Variants in CRTAC1 observed in about 807,000 individuals in gnomAD.
CRTAC1 encodes the protein acidic secreted protein in cartilage.
A neutral mutation model predicts 67.8 loss-of-function variants in CRTAC1; 37 were observed. That is an observed-to-expected ratio of 0.55 (90% CI 0.42 to 0.72). CRTAC1 has a LOEUF of 0.72. Among genes scored for constraint, CRTAC1 ranks in the 30% least tolerant of loss-of-function variants. The pLI is 0.00. For missense variants in CRTAC1, 780 were observed against 931.6 expected (o/e 0.84, Z 2.12); for synonymous variants, 348 against 371.0 (o/e 0.94, Z 0.71).
intron 3 of CRTAC1, among the ~76,000 whole-genome samples, chr10:97,935,212 G>A (rs975928130): frequency 1.3e-5 from 2 of 152,180 alleles, no homozygotes; most frequent in African/African-American, 2.4e-5. Context: ...ACCTCTTTGT[G>A]GCTCAGTTTC....
chr10:98,030,376 G>A lies in CRTAC1; in HGVS notation c.24+73C>T. The stretch of plus-strand genomic sequence containing the variant: ...GGCGTCCCCGCCACCCTTGCGGGCG[G>A]ATCCGGGGGGGCGCGCAGAGCTGGA... On this transcript the variant is annotated intron_variant, in intron 1 of 14. Transcript: ENST00000370597. The surrounding 1 kb of genome is among the most constrained non-coding windows in gnomAD (Gnocchi z 4.2). 1.0e-6 allele frequency: 1 copy of A among 992,722 alleles called. No homozygotes were observed. Among genetic ancestry groups the A allele is most frequent in the Non-Finnish European group, 1.3e-6 (1 of 755,504 alleles). The allele number at this position is 992,722 out of a possible 1,614,324, so 61.5% of individuals were successfully genotyped here.
chr10:97,919,768 A>C, intron 4 of CRTAC1, among the ~76,000 whole-genome samples: 1 of 32,850 alleles, frequency 3.0e-5, no homozygotes, highest in Middle Eastern at 0.019. Flanking sequence ...TTTACAGTAC[A>C]GCCTTTTTTT....
chr10:97,935,294 T>G (rs1439361510), intron 3 of CRTAC1, among the ~76,000 whole-genome samples: 1 of 152,182 alleles, frequency 6.6e-6, no homozygotes, highest in East Asian at 1.9e-4. Context: ...ATAATTAATG[T>G]AAATGTTTAG....
At chr10:97,882,308 G>A in intron 13 of CRTAC1, among the ~76,000 whole-genome samples, 1 of 152,182 alleles carries the variant, frequency 6.6e-6, no homozygotes, top group East Asian at 1.9e-4. Context: ...CATCCTGGTA[G>A]TGCTGCAGCT....
At chr10:97,965,419 AC>A (rs2051598878) in intron 2 of CRTAC1, among the ~76,000 whole-genome samples, 1 of 151,750 alleles carries the variant, frequency 6.6e-6, no homozygotes, top group African/African-American at 2.4e-5. Context: ...ATTGGATTGA[AC>A]CCCCTTTTTC....
At chr10:97,907,718 T>C (rs1341792044) in intron 6 of CRTAC1, among the ~76,000 whole-genome samples, 1 of 152,024 alleles carries the variant, frequency 6.6e-6, no homozygotes, top group Non-Finnish European at 1.5e-5. Flanking sequence ...AGGTTGATGC[T>C]GAGAGACACA....
intron 6 of CRTAC1, among the ~76,000 whole-genome samples, chr10:97,906,354 T>C (rs2050612133): frequency 6.6e-6 from 1 of 152,236 alleles, no homozygotes; most frequent in African/African-American, 2.4e-5. Flanking sequence ...GACAAGGAGC[T>C]GGTTCCCTTT....
chr10:97,962,109 G>A (rs575383618), intron 2 of CRTAC1, among the ~76,000 whole-genome samples: 6 of 152,258 alleles, frequency 3.9e-5, no homozygotes, highest in East Asian at 1.9e-4. Flanking sequence ...CTCTATGCTC[G>A]CGGTTTTCCT....
intron 5 of CRTAC1, among the ~76,000 whole-genome samples, chr10:97,915,003 C>G (rs768063365): frequency 3.7e-4 from 57 of 152,278 alleles, no homozygotes; most frequent in Non-Finnish European, 5.0e-4. Context: ...CCTCCCCTCC[C>G]CCTCCCGCAG....
chr10:97,960,316 T>C (rs1340941371), intron 2 of CRTAC1, among the ~76,000 whole-genome samples: 2 of 152,216 alleles, frequency 1.3e-5, no homozygotes, highest in Non-Finnish European at 2.9e-5. Flanking sequence ...CAGCATCACA[T>C]ATTTGTATCT....
At chr10:97,934,627 T>C (rs2136611652) in intron 3 of CRTAC1, among the ~76,000 whole-genome samples, 1 of 152,272 alleles carries the variant, frequency 6.6e-6, no homozygotes, top group African/African-American at 2.4e-5. Flanking sequence ...AGTGTATATG[T>C]GTCAGGGTGG....
Position 98,003,796 on chromosome 10 carries a change from T to G in CRTAC1, c.224+7342A>C, listed in dbSNP as rs116628189. On this transcript the variant is annotated intron_variant, in intron 2 of 14. Transcript: ENST00000370597. The stretch of plus-strand genomic sequence containing the variant: ...CTGTGTGTATGTGTGCATGTGTGTC[T>G]GTCTGTCTGCCTGTCTGTCTGGGGT... Among the ~76,000 whole-genome samples the G allele has an allele frequency of 2.0e-3, 311 of 152,332 alleles. 4 individuals carry two copies. The highest frequency in any genetic ancestry group is 0.01 in the Middle Eastern group (3 of 294).
At chr10:98,012,914 G>C (rs1842934136) in intron 1 of CRTAC1, among the ~76,000 whole-genome samples, 1 of 152,184 alleles carries the variant, frequency 6.6e-6, no homozygotes, top group Non-Finnish European at 1.5e-5. Context: ...CTTCTACTGG[G>C]TTTTCTAATC....
intron 2 of CRTAC1, among the ~76,000 whole-genome samples, chr10:97,968,970 T>C (rs893249175): frequency 2.6e-5 from 4 of 152,210 alleles, no homozygotes; most frequent in African/African-American, 9.7e-5. Flanking sequence ...TACTGGAATT[T>C]CTCAGTCACA....
At chr10:97,974,246 G>A (rs1418100928) in intron 2 of CRTAC1, among the ~76,000 whole-genome samples, 1 of 152,156 alleles carries the variant, frequency 6.6e-6, no homozygotes, top group African/African-American at 2.4e-5. Flanking sequence ...GGAAGCGCCT[G>A]TCGGTGTGTA....
At position 98,030,513 on chromosome 10, in the gene CRTAC1, G is replaced by C. The variant is rs577931766; in HGVS notation, c.-41C>G. On this transcript the variant is annotated 5_prime_UTR_variant, in exon 1 of 15. Coordinates refer to ENST00000370597, the MANE Select transcript of CRTAC1 (RefSeq NM_018058.7). This position sits in a 1 kb window ranked among gnomAD's most constrained non-coding sequence, Gnocchi z 4.2. ...CCCGCCGCCTAGGGGCGTGGGAAGC[G>C]GGCGCTCGCTGCCGCCTCTGCCGCC... 1 of 1,237,576 alleles carries C rather than the reference G, an allele frequency of 8.1e-7. No homozygotes were observed. The highest frequency in any genetic ancestry group is 1.0e-6 in the Non-Finnish European group (1 of 982,420). The allele number at this position is 1,237,576 out of a possible 1,614,324, so 76.7% of individuals were successfully genotyped here. A position where few individuals can be genotyped will look rare whatever the true frequency, so the allele number is the denominator to read the frequency against.
At chr10:97,902,639 T>C (rs1326138139) in intron 7 of CRTAC1, among the ~76,000 whole-genome samples, 1 of 152,124 alleles carries the variant, frequency 6.6e-6, no homozygotes, top group Non-Finnish European at 1.5e-5. Context: ...GGTGGGTTTT[T>C]CCCCTAAAGA....
chr10:97,934,921 G>C lies in CRTAC1; in HGVS notation c.421+1249C>G, dbSNP rs185932222. Among the ~76,000 whole-genome samples, 3 of 146,114 alleles carry C rather than the reference G, an allele frequency of 2.1e-5. No homozygotes were observed. The Admixed American group carries it at 2.1e-4, about 10-fold the overall frequency. On this transcript the variant is annotated intron_variant, in intron 3 of 14. Coordinates refer to ENST00000370597, the MANE Select transcript of CRTAC1 (RefSeq NM_018058.7). ...ACAGGCCTGGGCTGAGATCCTGAGAGCTGAGCCTAAGAAAATGCAAGCATC... is the reference window on the plus strand; with the variant it reads ...ACAGGCCTGGGCTGAGATCCTGAGACCTGAGCCTAAGAAAATGCAAGCATC...
chr10:98,008,468 C>T (rs1354919757), intron 2 of CRTAC1, among the ~76,000 whole-genome samples: 1 of 151,390 alleles, frequency 6.6e-6, no homozygotes, highest in Admixed American at 6.6e-5. Context: ...ACAGCCAGGG[C>T]AGAAAGAGGG....
Sources: allele counts gnomAD v4.1 joint callset (sites outside exome capture counted in the v4.1 genomes callset), GRCh38; gene constraint gnomAD v4.1.1; non-coding constraint Gnocchi (gnomAD v3.1); transcripts MANE v1.5; gene names NCBI Gene and HGNC (gene_info 2026-07-23, HGNC 2026-07-21).